KCNAB1: variants seen among roughly 807,000 people sequenced by gnomAD.
KCNAB1 encodes potassium voltage-gated channel subfamily A regulatory beta subunit 1.
In KCNAB1, 35 loss-of-function variants were observed where a neutral mutation model predicts 64.6. The ratio of observed to expected loss-of-function variants is 0.54; its 90% confidence interval spans 0.41 to 0.72. KCNAB1 has a LOEUF of 0.72. Ranked by LOEUF, KCNAB1 falls within the 30% of genes least tolerant of loss-of-function variation. The pLI, the probability that KCNAB1 is intolerant of heterozygous loss-of-function variation, is 0.00. For synonymous variants in KCNAB1, 177 were observed against 183.8 expected, an observed-to-expected ratio of 0.96 and a Z score of 0.30; for missense variants, 401 against 512.9, an observed-to-expected ratio of 0.78 and a Z score of 2.11.
intron 1 of KCNAB1, among the ~76,000 whole-genome samples, chr3:156,267,882 C>CA (rs1479172163): frequency 6.6e-6 from 1 of 151,978 alleles, no homozygotes; most frequent in Non-Finnish European, 1.5e-5. Flanking sequence ...TTTTGTGTTA[C>CA]AAACAATCCA....
chr3:156,377,818 A>G (rs1256921725), intron 1 of KCNAB1, among the ~76,000 whole-genome samples: 1 of 152,024 alleles, frequency 6.6e-6, no homozygotes, highest in Non-Finnish European at 1.5e-5. Context: ...CCATAAGAAC[A>G]AGCTTAGCTT....
chr3:156,331,089 G>A (rs1723298127), intron 1 of KCNAB1, among the ~76,000 whole-genome samples: 2 of 152,184 alleles, frequency 1.3e-5, no homozygotes, highest in South Asian at 4.1e-4. Context: ...AGGCTGGAGA[G>A]GGGCTCCTTG....
intron 1 of KCNAB1, among the ~76,000 whole-genome samples, chr3:156,335,853 G>GT (rs4056366): frequency 0.017 from 2,280 of 135,244 alleles, 28 homozygotes; most frequent in Middle Eastern, 0.08. Context: ...AATTGTTTGG[G>GT]TTTTTTTTTT....
chr3:156,347,577 C>T (rs991794517), intron 1 of KCNAB1, among the ~76,000 whole-genome samples: 9 of 144,918 alleles, frequency 6.2e-5, no homozygotes, highest in African/African-American at 2.6e-4. Flanking sequence ...CAGAAATGTG[C>T]CCATTATAGT....
chr3:156,492,431 C>CT (rs1165209125), intron 8 of KCNAB1, among the ~76,000 whole-genome samples: 4 of 151,860 alleles, frequency 2.6e-5, no homozygotes, highest in South Asian at 2.1e-4. Flanking sequence ...TTTCATTCCA[C>CT]TTTTTTTTAG....
chr3:156,505,812 G>A (rs1716798462), intron 8 of KCNAB1, among the ~76,000 whole-genome samples: 3 of 152,138 alleles, frequency 2.0e-5, no homozygotes, highest in African/African-American at 7.2e-5. Flanking sequence ...CTAAGAGGGG[G>A]AGAGGGAGTG....
chr3:156,328,572 A>G (rs1352575311), intron 1 of KCNAB1, among the ~76,000 whole-genome samples: 2 of 152,158 alleles, frequency 1.3e-5, no homozygotes, highest in African/African-American at 2.4e-5. Context: ...ATTAAATACT[A>G]CTAATTATAA....
At position 156,523,826 on chromosome 3, in the gene KCNAB1, G is replaced by A. The variant is rs1466904009; in HGVS notation, c.961-1G>A. 6.2e-7 allele frequency: 1 copy of A among 1,612,362 alleles called. No homozygotes were observed. The highest frequency in any genetic ancestry group is 8.5e-7 in the Non-Finnish European group (1 of 1,178,944). On this transcript the variant is annotated splice_acceptor_variant, in intron 11 of 13. Coordinates refer to ENST00000490337, the MANE Select transcript of KCNAB1 (RefSeq NM_172160.3). LOFTEE classifies it high-confidence loss of function. ...CATTTCAATGTTATGCTTTTCCCCA[G>A]TGCTACCAGTGGTTGAAAGAAAGAA...
At chr3:156,444,174 A>G (rs927585455) in intron 2 of KCNAB1, among the ~76,000 whole-genome samples, 4 of 152,220 alleles carry the variant, frequency 2.6e-5, no homozygotes, top group Non-Finnish European at 4.4e-5. Flanking sequence ...TGTGTGCGTC[A>G]TTTGAAAAAG....
chr3:156,261,566 T>G (rs1247581498), intron 1 of KCNAB1, among the ~76,000 whole-genome samples: 1 of 152,042 alleles, frequency 6.6e-6, no homozygotes, highest in Admixed American at 6.5e-5. Flanking sequence ...ATGTAAGAAA[T>G]TATTACTAAG....
intron 1 of KCNAB1, among the ~76,000 whole-genome samples, chr3:156,331,392 C>A (rs1370566500): frequency 6.6e-6 from 1 of 152,048 alleles, no homozygotes; most frequent in Non-Finnish European, 1.5e-5. Context: ...GACAGAGGTC[C>A]AAGCTAGTTC....
intron 2 of KCNAB1, among the ~76,000 whole-genome samples, chr3:156,442,545 A>G (rs1717077592): frequency 6.6e-6 from 1 of 152,190 alleles, no homozygotes; most frequent in South Asian, 2.1e-4. Context: ...AAAATATCAA[A>G]TACCTGTACA....
intron 1 of KCNAB1, among the ~76,000 whole-genome samples, chr3:156,199,677 A>G (rs1714198719): frequency 6.6e-6 from 1 of 152,134 alleles, no homozygotes; most frequent in African/African-American, 2.4e-5. Context: ...CAGGTCATTT[A>G]TGTTCTTTTC....
chr3:156,303,090 A>G (rs1721267416), intron 1 of KCNAB1, among the ~76,000 whole-genome samples: 1 of 152,136 alleles, frequency 6.6e-6, no homozygotes, highest in Non-Finnish European at 1.5e-5. Flanking sequence ...TATGACACAC[A>G]TTTTCAAATG....
intron 1 of KCNAB1, among the ~76,000 whole-genome samples, chr3:156,252,775 A>C (rs1276652471): frequency 6.6e-6 from 1 of 152,184 alleles, no homozygotes. Flanking sequence ...TTCTCAGTGC[A>C]GGAGCTTACA....
intron 1 of KCNAB1, among the ~76,000 whole-genome samples, chr3:156,241,368 C>CT (rs1007293167): frequency 1.3e-5 from 2 of 152,164 alleles, no homozygotes; most frequent in African/African-American, 4.8e-5. Flanking sequence ...GCTCTAATTT[C>CT]TTTTTCTTAG....
At chr3:156,273,862 T>C (rs1438479809) in intron 1 of KCNAB1, among the ~76,000 whole-genome samples, 1 of 152,204 alleles carries the variant, frequency 6.6e-6, no homozygotes, top group Non-Finnish European at 1.5e-5. Context: ...AACCCACAGT[T>C]GTCTCTCCCT....
chr3:156,463,638 A>G (rs1022495322), intron 5 of KCNAB1, 64 bp from the exon 6 acceptor site: 53 of 1,240,726 alleles, frequency 4.3e-5, no homozygotes, highest in Non-Finnish European at 5.9e-5. Flanking sequence ...TTATAATAAT[A>G]TGACTCGGTA....
At chr3:156,394,335 TG>T in intron 1 of KCNAB1, among the ~76,000 whole-genome samples, 1 of 152,236 alleles carries the variant, frequency 6.6e-6, no homozygotes, top group African/African-American at 2.4e-5. Flanking sequence ...GTTCTAAAAA[TG>T]GGCCCACAAG....
Sources: gnomAD v4.1 joint callset for allele counts (sites outside exome capture counted in the v4.1 genomes callset) on GRCh38, gnomAD v4.1.1 for gene constraint, MANE v1.5 for transcripts, NCBI Gene and HGNC (gene_info 2026-07-23, HGNC 2026-07-21) for gene names.